CCDC144A: variants seen among roughly 807,000 people sequenced by gnomAD.
The protein encoded by CCDC144A is coiled-coil domain containing 144A, also known as coiled-coil domain-containing protein 144A.
Under a neutral mutation model 143.8 loss-of-function variants are expected in CCDC144A, and 41 were observed. That is an observed-to-expected ratio of 0.29 (90% CI 0.22 to 0.37). The LOEUF (loss-of-function observed/expected upper bound fraction) is 0.37. Among genes scored for constraint, CCDC144A ranks in the 10% least tolerant of loss-of-function variants. The pLI is 1.00. For synonymous variants in CCDC144A, 242 were observed against 517.9 expected (o/e 0.47, Z 7.23); for missense variants, 637 against 1,488.8 (o/e 0.43, Z 9.41).
At chr17:16,763,261 G>A (rs1228732158) in intron 14 of CCDC144A, among the ~76,000 whole-genome samples, 3 of 152,006 alleles carry the variant, frequency 2.0e-5, no homozygotes, top group Non-Finnish European at 2.9e-5. Flanking sequence ...TGTCCTCGAT[G>A]CTGCTTTAGT....
intron 2 of CCDC144A, among the ~76,000 whole-genome samples, chr17:16,703,601 G>A (rs999410568): frequency 2.0e-5 from 3 of 152,108 alleles, no homozygotes; most frequent in East Asian, 1.9e-4. Flanking sequence ...TCAGGAGATC[G>A]AGACCATCCT....
chr17:16,745,631 T>C (rs1035764737), intron 12 of CCDC144A: 1 of 1,571,174 alleles, frequency 6.4e-7, no homozygotes, highest in African/African-American at 1.4e-5. Flanking sequence ...GTGCAGTGAC[T>C]CACTCTGCCT....
Position 16,712,757 on chromosome 17 carries a change from G to A in CCDC144A, c.1715+942G>A, listed in dbSNP as rs548870950. Among the ~76,000 whole-genome samples, 19 of 152,212 alleles carry A rather than the reference G, an allele frequency of 1.2e-4. No individual in the cohort carries two copies. In the South Asian group the frequency reaches 3.7e-3, roughly 30 times the overall value. ...ATTGTCATACCCAGAAAATAATGTAGCATGCACTCATTTTAACAAAAGAAG... is the reference window on the plus strand; with the variant it reads ...ATTGTCATACCCAGAAAATAATGTAACATGCACTCATTTTAACAAAAGAAG... On this transcript the variant is annotated intron_variant, in intron 6 of 16. Coordinates refer to ENST00000399273, the MANE Select transcript of CCDC144A (RefSeq NM_001382000.1).
chr17:16,683,533 G>C, the CCDC144A span: 1 of 1,553,976 alleles, frequency 6.4e-7, no homozygotes, highest in South Asian at 1.1e-5. Context: ...GTGAGGAGGG[G>C]CGGCAAGTCC....
the CCDC144A span, among the ~76,000 whole-genome samples, chr17:16,670,380 C>T: frequency 2.2e-4 from 33 of 148,456 alleles, no homozygotes; most frequent in Admixed American, 3.3e-4. Flanking sequence ...TTCTGCCTCC[C>T]GGGTTCAAGT....
chr17:16,718,320 C>G (rs1169665032), intron 6 of CCDC144A, among the ~76,000 whole-genome samples: 1 of 151,660 alleles, frequency 6.6e-6, no homozygotes, highest in Non-Finnish European at 1.5e-5. Context: ...AATTTTCTTT[C>G]TTTTTTATTT....
chr17:16,689,621 G>A (rs1019302644), upstream of CCDC144A: 3 of 152,896 alleles, frequency 2.0e-5, no homozygotes, highest in African/African-American at 4.8e-5. Flanking sequence ...ACCCTGGGCA[G>A]ATGCGCGCAG....
intron 5 of CCDC144A, chr17:16,710,365 T>TAAAAA (rs377191735): frequency 5.3e-5 from 5 of 93,580 alleles, no homozygotes. Context: ...CATCTCTTAC[T>TAAAAA]AAAAAAAAAA....
chr17:16,699,500 T>A (rs1311228699), intron 2 of CCDC144A, among the ~76,000 whole-genome samples: 124 of 19,024 alleles, frequency 6.5e-3, no homozygotes, highest in South Asian at 0.016. Flanking sequence ...CTCAGCCTCC[T>A]GAGTAGCTGG....
chr17:16,676,383 C>T, the CCDC144A span, among the ~76,000 whole-genome samples: 3 of 151,542 alleles, frequency 2.0e-5, no homozygotes, highest in Non-Finnish European at 4.4e-5. Context: ...TGGTGGCAGG[C>T]GCCTGTAGTC....
At chr17:16,720,319 G>A (rs1200999506) in intron 7 of CCDC144A, 88 bp downstream of exon 7, 1 of 1,500,896 alleles carries the variant, frequency 6.7e-7, no homozygotes, top group Non-Finnish European at 8.9e-7. Flanking sequence ...ATGTTTTGTT[G>A]TAAGGCTGTT....
At chr17:16,716,815 T>G (rs994241100) in intron 6 of CCDC144A, among the ~76,000 whole-genome samples, 1 of 148,200 alleles carries the variant, frequency 6.7e-6, no homozygotes, top group East Asian at 2.0e-4. Flanking sequence ...TCCAGCTGTT[T>G]TTTTTTTTTT....
the CCDC144A span, among the ~76,000 whole-genome samples, chr17:16,675,066 C>T: frequency 3.3e-5 from 5 of 151,752 alleles, no homozygotes; most frequent in South Asian, 2.1e-4. Context: ...GCCAGAAGCT[C>T]GAGACCAGCC....
intron 15 of CCDC144A, among the ~76,000 whole-genome samples, chr17:16,771,250 G>A (rs189953291): frequency 2.5e-3 from 384 of 152,246 alleles, no homozygotes; most frequent in Non-Finnish European, 3.0e-3. Context: ...AGAAATCAAA[G>A]TTGCAGTTAA....
At chr17:16,761,328 C>A in intron 12 of CCDC144A, 97 bp from the exon 13 acceptor site, 1 of 1,419,254 alleles carries the variant, frequency 7.0e-7, no homozygotes, top group African/African-American at 1.6e-5. Context: ...AGCGAGACTC[C>A]ATCTCAAAAA....
At chr17:16,756,104 C>T (rs1194934788) in intron 12 of CCDC144A, among the ~76,000 whole-genome samples, 2 of 152,112 alleles carry the variant, frequency 1.3e-5, no homozygotes, top group Non-Finnish European at 2.9e-5. Context: ...TATTGTATTT[C>T]TTTGGGGATC....
chr17:16,675,472 G>GCATTTTA, the CCDC144A span, among the ~76,000 whole-genome samples: 2 of 150,510 alleles, frequency 1.3e-5, no homozygotes, highest in Admixed American at 1.3e-4. Flanking sequence ...TAAAATTTGG[G>GCATTTTA]AAATGCTTAC....
In CCDC144A at chr17:16,777,473, T is replaced by G. The variant is rs990200638; in HGVS notation, c.*3840T>G. ...ACCATATGATAGGGCACAAAACAAG[T>G]CTCAGTAAATTTAAGAAAATCAGAA... On this transcript the variant is annotated 3_prime_UTR_variant, in exon 17 of 17. Coordinates refer to ENST00000399273, the MANE Select transcript of CCDC144A (RefSeq NM_001382000.1). 6.9e-6 allele frequency: 1 copy of G among 143,966 alleles called. No individual in the cohort carries two copies. Among genetic ancestry groups the G allele is most frequent in the Non-Finnish European group, 1.5e-5 (1 of 65,956 alleles). The allele number at this position is 143,966 out of a possible 1,614,324, so 8.9% of individuals were successfully genotyped here. A position where few individuals can be genotyped will look rare whatever the true frequency, so the allele number is the denominator to read the frequency against.
chr17:16,729,800 A>T (rs1597565499), intron 9 of CCDC144A, among the ~76,000 whole-genome samples: 1 of 146,830 alleles, frequency 6.8e-6, no homozygotes, highest in South Asian at 2.2e-4. Context: ...TGATTCTCCT[A>T]CCTTGGCCTC....
Sources: allele counts gnomAD v4.1 joint callset (sites outside exome capture counted in the v4.1 genomes callset), GRCh38; gene constraint gnomAD v4.1.1; transcripts MANE v1.5; gene names NCBI Gene and HGNC (gene_info 2026-07-23, HGNC 2026-07-21).